Variants in BICC1 observed in about 807,000 individuals in gnomAD.
The protein encoded by BICC1 is protein bicaudal C homolog 1.
A neutral mutation model predicts 111.0 loss-of-function variants in BICC1; 43 were observed. That is an observed-to-expected ratio of 0.39 (90% CI 0.30 to 0.50). BICC1 has a LOEUF of 0.50. BICC1 is among the 20% of genes least tolerant of loss of function. The probability of loss-of-function intolerance (pLI) is 0.88; values close to 1 mark genes in which losing one functional copy is unlikely to be tolerated. For missense variants in BICC1, 1,091 were observed against 1,203.2 expected, an observed-to-expected ratio of 0.91 and a Z score of 1.38; for synonymous variants, 467 against 434.4, an observed-to-expected ratio of 1.07 and a Z score of -0.93.
intron 2 of BICC1, among the ~76,000 whole-genome samples, chr10:58,646,787 TC>T (rs2132233384): frequency 6.9e-5 from 1 of 14,464 alleles, no homozygotes; most frequent in South Asian, 0.011. Context: ...TCTTGCCTGT[TC>T]CTGATTTTTT....
chr10:58,814,276 G>C, intron 18 of BICC1: 1 of 603,334 alleles, frequency 1.7e-6, no homozygotes, highest in Non-Finnish European at 2.9e-6. Flanking sequence ...ACAAACCAAA[G>C]ACTGTATTTG....
At chr10:58,708,998 T>A (rs1443810708) in intron 3 of BICC1, among the ~76,000 whole-genome samples, 1 of 152,194 alleles carries the variant, frequency 6.6e-6, no homozygotes, top group East Asian at 1.9e-4. Context: ...TTAACTCCTA[T>A]ATCACAAGCA....
At chr10:58,642,754 GA>G (rs1184857839) in intron 2 of BICC1, among the ~76,000 whole-genome samples, 1 of 151,794 alleles carries the variant, frequency 6.6e-6, no homozygotes, top group Non-Finnish European at 1.5e-5. Context: ...ACCCAGGTTG[GA>G]GTGCAGTGAT....
intron 3 of BICC1, among the ~76,000 whole-genome samples, chr10:58,729,397 T>G (rs1841215604): frequency 6.6e-6 from 1 of 152,246 alleles, no homozygotes; most frequent in African/African-American, 2.4e-5. Context: ...CTTTTCTTCT[T>G]TAGCTTCCTT....
chr10:58,775,082 A>G (rs1842713618), intron 3 of BICC1, among the ~76,000 whole-genome samples: 1 of 152,122 alleles, frequency 6.6e-6, no homozygotes, highest in Non-Finnish European at 1.5e-5. Context: ...GTTATTTAAG[A>G]TATTTAAGGG....
At chr10:58,655,630 C>G (rs1425300536) in intron 2 of BICC1, among the ~76,000 whole-genome samples, 1 of 82,048 alleles carries the variant, frequency 1.2e-5, no homozygotes, top group African/African-American at 4.6e-5. Flanking sequence ...CGTCTGCAAA[C>G]AGGGACAATT....
chr10:58,557,941 T>G (rs575503042), intron 1 of BICC1, among the ~76,000 whole-genome samples: 17 of 152,188 alleles, frequency 1.1e-4, no homozygotes, highest in African/African-American at 3.9e-4. Context: ...ATTTTCGTAC[T>G]CTTGAGCTTG....
chr10:58,803,049 T>G, intron 14 of BICC1, 28 bp from the exon 15 acceptor site: 1 of 1,547,712 alleles, frequency 6.5e-7, no homozygotes, highest in African/African-American at 1.4e-5. Context: ...TATAGTGGAG[T>G]GTTAAATTCC....
At chr10:58,658,624 C>A (rs1207580963) in intron 2 of BICC1, among the ~76,000 whole-genome samples, 1 of 152,006 alleles carries the variant, frequency 6.6e-6, no homozygotes, top group Non-Finnish European at 1.5e-5. Context: ...ATTGTTTATT[C>A]GTTTAATGGG....
intron 1 of BICC1, among the ~76,000 whole-genome samples, chr10:58,587,151 T>C (rs1223984597): frequency 6.6e-6 from 1 of 152,230 alleles, no homozygotes; most frequent in Non-Finnish European, 1.5e-5. Context: ...TCATGAATTT[T>C]AGAAGCTTCT....
chr10:58,649,531 C>T (rs2393461), intron 2 of BICC1, among the ~76,000 whole-genome samples: 139,589 of 152,122 alleles, frequency 0.92, 65,316 homozygotes, highest in East Asian at 1. Flanking sequence ...AATGGGAACC[C>T]TCATGGGTGT....
At chr10:58,564,762 A>G (rs1312827984) in intron 1 of BICC1, among the ~76,000 whole-genome samples, 1 of 152,214 alleles carries the variant, frequency 6.6e-6, no homozygotes, top group Non-Finnish European at 1.5e-5. Context: ...ATATGGTTAT[A>G]AATGGTTCTG....
intron 3 of BICC1, among the ~76,000 whole-genome samples, chr10:58,703,302 A>G (rs557026454): frequency 9.3e-5 from 1 of 10,708 alleles, no homozygotes; most frequent in South Asian, 0.25. Context: ...AGCTGGGACT[A>G]TAGGACACCA....
At chr10:58,544,713 C>T (rs1348841379) in intron 1 of BICC1, among the ~76,000 whole-genome samples, 2 of 152,112 alleles carry the variant, frequency 1.3e-5, no homozygotes, top group Non-Finnish European at 2.9e-5. Context: ...AATTAATAGA[C>T]ATGCATACAT....
At chr10:58,680,673 A>G (rs1242388994) in intron 2 of BICC1, among the ~76,000 whole-genome samples, 1 of 152,248 alleles carries the variant, frequency 6.6e-6, no homozygotes, top group African/African-American at 2.4e-5. Context: ...AGAAAAATCT[A>G]CTTTAAATTT....
intron 3 of BICC1, among the ~76,000 whole-genome samples, chr10:58,741,119 T>C (rs537293112): frequency 2.3e-4 from 35 of 152,162 alleles, no homozygotes; most frequent in Non-Finnish European, 4.4e-4. Flanking sequence ...AGTGCTCACA[T>C]TTGTATTTTA....
chr10:58,776,519 A>G (rs964395768), intron 3 of BICC1, among the ~76,000 whole-genome samples: 2 of 152,162 alleles, frequency 1.3e-5, no homozygotes, highest in East Asian at 1.9e-4. Flanking sequence ...TTATCCTGGC[A>G]TGTGCCCCCT....
intron 2 of BICC1, among the ~76,000 whole-genome samples, chr10:58,673,912 T>G (rs1839259725): frequency 6.6e-6 from 1 of 152,090 alleles, no homozygotes; most frequent in Non-Finnish European, 1.5e-5. Context: ...ATTACAGGTA[T>G]GAGCCACCAT....
chr10:58,667,408 A>G (rs1032047205), intron 2 of BICC1, among the ~76,000 whole-genome samples: 2 of 152,158 alleles, frequency 1.3e-5, no homozygotes, highest in African/African-American at 2.4e-5. Context: ...TGAAAAAAAT[A>G]TAGCAAAAGT....
Sources: gnomAD v4.1 joint callset for allele counts (sites outside exome capture counted in the v4.1 genomes callset) on GRCh38, gnomAD v4.1.1 for gene constraint, MANE v1.5 for transcripts, NCBI Gene and HGNC (gene_info 2026-07-23, HGNC 2026-07-21) for gene names.